Variants in KLF15 observed in about 807,000 individuals in gnomAD.
KLF15 encodes the protein Krueppel-like factor 15.
KLF15 carries 4 observed loss-of-function variants against 24.6 expected under a neutral mutation model. The observed-to-expected ratio is 0.16, with a 90% CI of 0.08 to 0.37. The LOEUF (loss-of-function observed/expected upper bound fraction) is 0.37. Ranked by LOEUF, KLF15 falls within the 10% of genes least tolerant of loss-of-function variation. KLF15 has a pLI of 1.00. For missense variants in KLF15, 496 were observed against 560.6 expected (o/e 0.88, Z 1.16); for synonymous variants, 246 against 236.3 (o/e 1.04, Z -0.37).
At chr3:126,308,963 G>C in the KLF15 span, among the ~76,000 whole-genome samples, 1 of 152,158 alleles carries the variant, frequency 6.6e-6, no homozygotes, top group Admixed American at 6.5e-5. Flanking sequence ...GGGTGAGGGC[G>C]GTGGCAGCTG....
chr3:126,337,325 A>T, the KLF15 span, among the ~76,000 whole-genome samples: 13 of 139,446 alleles, frequency 9.3e-5, no homozygotes, highest in African/African-American at 3.1e-4. Context: ...CTATCGCAAG[A>T]ACAAAAAACC....
the KLF15 span, among the ~76,000 whole-genome samples, chr3:126,320,939 C>T: frequency 6.6e-6 from 1 of 152,120 alleles, no homozygotes; most frequent in African/African-American, 2.4e-5. Flanking sequence ...GGTCAGAACC[C>T]TCTGGAATTC....
rs1283007613 is a variant in KLF15, at chr3:126,343,765, A to G, written c.1213T>C (p.Phe405Leu). Residue 405 changes from phenylalanine (F) to leucine (L), a missense_variant, in exon 3 of 3, where the codon TTC becomes CTC. By Grantham distance (22) the Phe-to-Leu change is conservative. Coordinates refer to ENST00000296233, the MANE Select transcript of KLF15 (RefSeq NM_014079.4). ...HLSKHIKVHR[F>L]PRSSRSVRSV... ...CGCACGGAGCGGCTGCTCCGCGGGA[A>G]GCGGTGCACCTTGATGTGCTTGGAG... 5.0e-6 allele frequency: 8 copies of G among 1,611,670 alleles called. No homozygotes were observed. Among genetic ancestry groups the G allele is most frequent in the Non-Finnish European group, 8.5e-7 (1 of 1,179,842 alleles).
the KLF15 span, among the ~76,000 whole-genome samples, chr3:126,317,392 G>A: frequency 1.8e-4 from 27 of 152,110 alleles, no homozygotes; most frequent in South Asian, 1.0e-3. Context: ...AGGGAAAGGC[G>A]GTCTCCCAAT....
At chr3:126,345,132 C>T (rs956991513) in intron 2 of KLF15, among the ~76,000 whole-genome samples, 4 of 152,202 alleles carry the variant, frequency 2.6e-5, no homozygotes, top group South Asian at 2.1e-4. Flanking sequence ...CTCTCCTACC[C>T]ATTCCTTAGA....
the KLF15 span, among the ~76,000 whole-genome samples, chr3:126,292,697 T>C: frequency 2.6e-5 from 4 of 151,230 alleles, no homozygotes; most frequent in Non-Finnish European, 5.9e-5. Context: ...GAGGTGTCCA[T>C]GGGGTTGAGT....
chr3:126,301,668 G>T, the KLF15 span, among the ~76,000 whole-genome samples: 6 of 141,798 alleles, frequency 4.2e-5, no homozygotes, highest in African/African-American at 1.6e-4. Context: ...AGGCTGGAGT[G>T]CAATGGCGCC....
the KLF15 span, among the ~76,000 whole-genome samples, chr3:126,313,364 CG>C: frequency 4.6e-5 from 7 of 152,196 alleles, no homozygotes; most frequent in African/African-American, 1.7e-4. Flanking sequence ...CATTCTGTTA[CG>C]CAGCCTCAGC....
chr3:126,355,501 C>A (rs982022976), intron 1 of KLF15, among the ~76,000 whole-genome samples: 1 of 152,188 alleles, frequency 6.6e-6, no homozygotes, highest in Non-Finnish European at 1.5e-5. Context: ...AGTTAGATCT[C>A]GGCTCAGAAG....
chr3:126,293,676 C>T, the KLF15 span, among the ~76,000 whole-genome samples: 1 of 152,212 alleles, frequency 6.6e-6, no homozygotes, highest in Non-Finnish European at 1.5e-5. Flanking sequence ...TGCCATCTCA[C>T]CTGCAGTATT....
At chr3:126,330,817 C>T in the KLF15 span, among the ~76,000 whole-genome samples, 1 of 152,202 alleles carries the variant, frequency 6.6e-6, no homozygotes, top group Non-Finnish European at 1.5e-5. Flanking sequence ...TTAGGAAAAG[C>T]TCTATCTTTT....
At chr3:126,328,593 A>C in the KLF15 span, among the ~76,000 whole-genome samples, 1 of 152,108 alleles carries the variant, frequency 6.6e-6, no homozygotes. Context: ...GCCAACATCT[A>C]CTGTTTTTTG....
the KLF15 span, among the ~76,000 whole-genome samples, chr3:126,307,866 C>A: frequency 1.3e-5 from 2 of 152,182 alleles, no homozygotes; most frequent in African/African-American, 2.4e-5. Flanking sequence ...TAGTTCCCCC[C>A]AGGCCAGGCC....
At chr3:126,319,526 G>A in the KLF15 span, among the ~76,000 whole-genome samples, 6 of 152,186 alleles carry the variant, frequency 3.9e-5, no homozygotes, top group African/African-American at 1.4e-4. Flanking sequence ...GACATATGAT[G>A]TTGAGTATCT....
At chr3:126,326,327 G>GT in the KLF15 span, among the ~76,000 whole-genome samples, 45 of 150,814 alleles carry the variant, frequency 3.0e-4, no homozygotes, top group Non-Finnish European at 6.0e-4. Context: ...CTTTAAAGTA[G>GT]TTTTTTCCAA....
intron 2 of KLF15, among the ~76,000 whole-genome samples, chr3:126,347,878 C>G (rs9839472): frequency 0.72 from 109,691 of 151,692 alleles, 39,796 homozygotes; most frequent in Non-Finnish European, 0.76. Context: ...GTATGAGGGG[C>G]CTGAGGGGCC....
intron 1 of KLF15, among the ~76,000 whole-genome samples, chr3:126,355,942 G>C (rs2082627257): frequency 6.6e-6 from 1 of 152,220 alleles, no homozygotes; most frequent in African/African-American, 2.4e-5. Flanking sequence ...ACAGCAGCAC[G>C]TGGGGCGGCC....
chr3:126,322,997 A>T, the KLF15 span, among the ~76,000 whole-genome samples: 3 of 151,128 alleles, frequency 2.0e-5, no homozygotes, highest in Non-Finnish European at 4.4e-5. Context: ...TTCATATATA[A>T]TGATATGTGT....
At chr3:126,341,155 A>T (rs2082476762), downstream of KLF15, among the ~76,000 whole-genome samples, 1 of 152,078 alleles carries the variant, frequency 6.6e-6, no homozygotes, top group Admixed American at 6.5e-5. Context: ...CAGGAGGCAC[A>T]CTCATCCCGG....
Sources: gnomAD v4.1 joint callset for allele counts (sites outside exome capture counted in the v4.1 genomes callset) on GRCh38, gnomAD v4.1.1 for gene constraint, MANE v1.5 for transcripts, NCBI Gene and HGNC (gene_info 2026-07-23, HGNC 2026-07-21) for gene names.